AIG1: variants seen among roughly 807,000 people sequenced by gnomAD.
AIG1 encodes androgen-induced gene 1 protein.
AIG1 carries 23 observed loss-of-function variants against 31.4 expected under a neutral mutation model. That is an observed-to-expected ratio of 0.73 (90% CI 0.53 to 1.04). The LOEUF is 1.04. Among genes scored for constraint, AIG1 ranks in the 50% least tolerant of loss-of-function variants. AIG1 has a pLI of 0.00. For missense variants in AIG1, 274 were observed against 295.0 expected, an observed-to-expected ratio of 0.93 and a Z score of 0.52; for synonymous variants, 100 against 110.5, an observed-to-expected ratio of 0.90 and a Z score of 0.60.
At chr6:143,146,572 T>A (rs1448526152) in intron 2 of AIG1, among the ~76,000 whole-genome samples, 3 of 151,824 alleles carry the variant, frequency 2.0e-5, no homozygotes, top group Admixed American at 2.0e-4. Context: ...CCTTTCTCCT[T>A]TCACCTCATC....
rs116648007 is a variant in AIG1 at position 143,186,991 on chromosome 6, T to C, written c.399+21808T>C. Among the ~76,000 whole-genome samples the C allele has an allele frequency of 5.5e-3, 840 of 152,328 alleles. 11 individuals carry two copies. Among genetic ancestry groups the C allele is most frequent in the African/African-American group, 0.017 (697 of 41,572 alleles). On this transcript the variant is annotated intron_variant, in intron 3 of 5. Transcript: ENST00000357847. ...ATAAAACAAAATTAAACAAAGTTAATTTAAACAAAATTAAAGCCTCCCTAG... is the reference window on the plus strand; with the variant it reads ...ATAAAACAAAATTAAACAAAGTTAACTTAAACAAAATTAAAGCCTCCCTAG...
chr6:143,106,766 C>T (rs535419493), intron 1 of AIG1, among the ~76,000 whole-genome samples: 30 of 152,252 alleles, frequency 2.0e-4, no homozygotes, highest in African/African-American at 6.0e-4. Context: ...ATAGACTAGA[C>T]GGCTTATCAG....
intron 3 of AIG1, among the ~76,000 whole-genome samples, chr6:143,263,306 C>A (rs755094637): frequency 2.3e-4 from 34 of 149,290 alleles, no homozygotes; most frequent in Admixed American, 4.1e-4. Flanking sequence ...TTATAACTTA[C>A]TTAAGCTTCT....
At chr6:143,066,735 G>A (rs1348100856) in intron 1 of AIG1, among the ~76,000 whole-genome samples, 4 of 152,162 alleles carry the variant, frequency 2.6e-5, no homozygotes, top group Non-Finnish European at 5.9e-5. Flanking sequence ...AATCTTCAGG[G>A]CAACTAAGGT....
chr6:143,072,919 T>C (rs1313552004), intron 1 of AIG1, among the ~76,000 whole-genome samples: 2 of 152,226 alleles, frequency 1.3e-5, no homozygotes, highest in East Asian at 3.8e-4. Context: ...GAATCCCAGA[T>C]ACAGTACAAT....
At chr6:143,119,880 T>A (rs1237832422) in intron 1 of AIG1, among the ~76,000 whole-genome samples, 1 of 152,236 alleles carries the variant, frequency 6.6e-6, no homozygotes, top group East Asian at 1.9e-4. Context: ...TTTGTATATT[T>A]ACCAAAACAA....
chr6:143,342,328 A>C, downstream of AIG1: 1 of 674,698 alleles, frequency 1.5e-6, no homozygotes, highest in Non-Finnish European at 2.7e-6. Flanking sequence ...AGCTGCGAGG[A>C]GCTCACTGCG....
chr6:143,335,903 G>C (rs1009916873), intron 5 of AIG1, among the ~76,000 whole-genome samples: 1 of 149,370 alleles, frequency 6.7e-6, no homozygotes, highest in Non-Finnish European at 1.5e-5. Context: ...AGCCAAGATC[G>C]TGCCACCACA....
intron 3 of AIG1, among the ~76,000 whole-genome samples, chr6:143,232,591 A>G (rs574016744): frequency 6.6e-6 from 1 of 152,332 alleles, no homozygotes; most frequent in East Asian, 1.9e-4. Flanking sequence ...CCTTTGAGGT[A>G]AAAATTGATT....
intron 3 of AIG1, among the ~76,000 whole-genome samples, chr6:143,282,764 A>AT (rs1562554592): frequency 6.6e-6 from 1 of 152,048 alleles, no homozygotes; most frequent in Non-Finnish European, 1.5e-5. Flanking sequence ...ATGTCTTTCT[A>AT]TTTTTTTCTA....
chr6:143,082,858 TG>T (rs1292885413), intron 1 of AIG1, among the ~76,000 whole-genome samples: 1 of 152,234 alleles, frequency 6.6e-6, no homozygotes, highest in Non-Finnish European at 1.5e-5. Flanking sequence ...AGCTTAACAC[TG>T]GGGCTTGGGT....
chr6:143,185,454 G>A (rs1308234123), intron 3 of AIG1, among the ~76,000 whole-genome samples: 2 of 152,174 alleles, frequency 1.3e-5, no homozygotes, highest in Non-Finnish European at 2.9e-5. Context: ...CTCCTGAGCT[G>A]AGTGGTTGCA....
intron 4 of AIG1, among the ~76,000 whole-genome samples, chr6:143,307,609 A>G (rs1463553412): frequency 6.6e-6 from 1 of 152,008 alleles, no homozygotes; most frequent in African/African-American, 2.4e-5. Context: ...GTCTGCCCCT[A>G]CTGGGGGGTG....
At position 143,221,790 on chromosome 6, in the gene AIG1, G is replaced by A. The variant is rs145217797; in HGVS notation, c.399+56607G>A. Among the ~76,000 whole-genome samples the A allele has an allele frequency of 2.1e-3, 327 of 152,190 alleles. 3 individuals carry two copies. The highest frequency in any genetic ancestry group is 0.01 in the Middle Eastern group (3 of 294). On this transcript the variant is annotated intron_variant, in intron 3 of 5. Coordinates refer to ENST00000357847, the MANE Select transcript of AIG1 (RefSeq NM_016108.4). ...TGTAACGTGCTTACAGCAGTGCCTCGGAGAGACTTAACACTCAAGAAATCC... is the reference window on the plus strand; with the variant it reads ...TGTAACGTGCTTACAGCAGTGCCTCAGAGAGACTTAACACTCAAGAAATCC...
intron 3 of AIG1, among the ~76,000 whole-genome samples, chr6:143,274,054 C>T (rs1391316369): frequency 1.3e-5 from 2 of 152,204 alleles, no homozygotes; most frequent in African/African-American, 4.8e-5. Context: ...GATTTACCCT[C>T]TGACATGGGC....
At chr6:143,315,203 C>A (rs752356822) in intron 4 of AIG1, among the ~76,000 whole-genome samples, 1 of 151,946 alleles carries the variant, frequency 6.6e-6, no homozygotes, top group African/African-American at 2.4e-5. Flanking sequence ...AAAAGTATAT[C>A]GGGGTAAATG....
At chr6:143,180,614 C>T (rs528346979) in intron 3 of AIG1, among the ~76,000 whole-genome samples, 5 of 152,258 alleles carry the variant, frequency 3.3e-5, no homozygotes, top group South Asian at 4.1e-4. Context: ...GATAGTGCCT[C>T]GGCTTACTGA....
In AIG1 at chr6:143,338,706, C is replaced by T. The variant is rs1322469244; in HGVS notation, c.680-933C>T. ...TTAATTGAGCTCCTGCAATGAGACA[C>T]ACACACTATGTTAGGTGCTGGGGAA... On this transcript the variant is annotated intron_variant, in intron 5 of 5. Transcript: ENST00000357847. This position sits in a 1 kb window ranked among gnomAD's most constrained non-coding sequence, Gnocchi z 4.3. 2.0e-5 allele frequency: 3 copies of T among 152,300 alleles called. No homozygotes were observed. The East Asian group carries it at 5.8e-4, about 29-fold the overall frequency. 9.4% of individuals were successfully genotyped at this position (152,300 alleles called of 1,614,324 possible). A position where few individuals can be genotyped will look rare whatever the true frequency, so the allele number is the denominator to read the frequency against.
At chr6:143,263,751 A>G (rs1316735839) in intron 3 of AIG1, among the ~76,000 whole-genome samples, 6 of 152,114 alleles carry the variant, frequency 3.9e-5, no homozygotes. Context: ...GATGTTTTTA[A>G]TGGTTGTATA....
Sources: allele counts gnomAD v4.1 joint callset (sites outside exome capture counted in the v4.1 genomes callset), GRCh38; gene constraint gnomAD v4.1.1; non-coding constraint Gnocchi (gnomAD v3.1); transcripts MANE v1.5; gene names NCBI Gene and HGNC (gene_info 2026-07-23, HGNC 2026-07-21).